The following CNTN4 variants were observed in gnomAD, a reference collection of about 807,000 sequenced individuals.
CNTN4 encodes the protein contactin-4.
Under a neutral mutation model 122.5 loss-of-function variants are expected in CNTN4, and 77 were observed. That is an observed-to-expected ratio of 0.63 (90% CI 0.52 to 0.76). CNTN4 has a LOEUF of 0.76. Ranked by LOEUF, CNTN4 falls within the 30% of genes least tolerant of loss-of-function variation. CNTN4 has a pLI of 0.00. For synonymous variants in CNTN4, 512 were observed against 447.0 expected (o/e 1.15, Z -1.83); for missense variants, 1,256 against 1,259.1 (o/e 1.00, Z 0.04).
chr3:2,123,621 A>G (rs920352491), intron 2 of CNTN4, among the ~76,000 whole-genome samples: 2 of 152,194 alleles, frequency 1.3e-5, no homozygotes, highest in Non-Finnish European at 2.9e-5. Context: ...GACATCTCGC[A>G]AGATTAATTG....
chr3:2,502,218 G>A (rs1475335282), intron 3 of CNTN4, among the ~76,000 whole-genome samples: 1 of 152,040 alleles, frequency 6.6e-6, no homozygotes, highest in Non-Finnish European at 1.5e-5. Flanking sequence ...AGCCTCCAAG[G>A]CCTCCTTTCT....
intron 3 of CNTN4, among the ~76,000 whole-genome samples, chr3:2,549,985 G>A (rs555948955): frequency 6.0e-4 from 91 of 152,090 alleles, no homozygotes; most frequent in Non-Finnish European, 1.1e-3. Context: ...GTTTATTTGC[G>A]TAGAGGTGTT....
chr3:2,296,756 G>A (rs905353205), intron 2 of CNTN4, among the ~76,000 whole-genome samples: 4 of 148,666 alleles, frequency 2.7e-5, no homozygotes, highest in African/African-American at 5.0e-5. Context: ...TGCAACAGGT[G>A]TTTGTTTAGG....
intron 2 of CNTN4, among the ~76,000 whole-genome samples, chr3:2,113,351 T>C (rs1283328627): frequency 6.6e-6 from 1 of 152,210 alleles, no homozygotes; most frequent in Non-Finnish European, 1.5e-5. Context: ...TAGTTCAGAA[T>C]AGAGTATCAT....
intron 12 of CNTN4, among the ~76,000 whole-genome samples, chr3:2,914,599 A>C (rs2094334839): frequency 6.6e-6 from 1 of 152,242 alleles, no homozygotes. Context: ...AGGAATAGAA[A>C]TGTGAATAGA....
intron 14 of CNTN4, among the ~76,000 whole-genome samples, chr3:3,017,145 T>C (rs537988114): frequency 2.0e-5 from 3 of 152,326 alleles, no homozygotes; most frequent in Admixed American, 6.5e-5. Context: ...TTGTTCTTTT[T>C]CCAATTGGTT....
chr3:2,619,727 G>A (rs1192118605), intron 4 of CNTN4, among the ~76,000 whole-genome samples: 1 of 152,116 alleles, frequency 6.6e-6, no homozygotes, highest in Non-Finnish European at 1.5e-5. Context: ...AGAACATGAG[G>A]GAACAAGCAC....
chr3:2,164,071 A>G (rs946962062), intron 2 of CNTN4, among the ~76,000 whole-genome samples: 18 of 152,270 alleles, frequency 1.2e-4, no homozygotes, highest in Admixed American at 4.6e-4. Flanking sequence ...GTTGGGTACA[A>G]TGTACACTGC....
intron 4 of CNTN4, among the ~76,000 whole-genome samples, chr3:2,724,265 G>C (rs1230083150): frequency 6.6e-6 from 1 of 152,022 alleles, no homozygotes; most frequent in South Asian, 2.1e-4. Context: ...TGGATTTCCC[G>C]ACAAACTTTC....
intron 3 of CNTN4, among the ~76,000 whole-genome samples, chr3:2,479,491 C>T (rs745695196): frequency 2.0e-5 from 3 of 152,090 alleles, no homozygotes; most frequent in African/African-American, 7.2e-5. Flanking sequence ...AAGAAAGTTT[C>T]GTTATTGGGA....
At chr3:2,384,761 CGTGTGT>C (rs67019083) in intron 3 of CNTN4, among the ~76,000 whole-genome samples, 7 of 147,898 alleles carry the variant, frequency 4.7e-5, no homozygotes, top group Non-Finnish European at 7.5e-5. Context: ...TCAATGTGTG[CGTGTGT>C]GTGTGTGTGT....
At chr3:2,986,802 TAAG>T (rs900839678) in intron 13 of CNTN4, among the ~76,000 whole-genome samples, 1 of 152,206 alleles carries the variant, frequency 6.6e-6, no homozygotes. Context: ...CTCGGCCACT[TAAG>T]AAATATTTCT....
chr3:2,849,685 C>T (rs184260030), intron 7 of CNTN4, among the ~76,000 whole-genome samples: 100 of 152,246 alleles, frequency 6.6e-4, no homozygotes, highest in Admixed American at 1.5e-3. Flanking sequence ...GATTGATGGA[C>T]GTCAGGAGGA....
intron 3 of CNTN4, among the ~76,000 whole-genome samples, chr3:2,373,495 A>G (rs1313691649): frequency 6.6e-6 from 1 of 152,228 alleles, no homozygotes; most frequent in Non-Finnish European, 1.5e-5. Context: ...ACACTCTTTA[A>G]ATGGATACAT....
intron 12 of CNTN4, among the ~76,000 whole-genome samples, chr3:2,924,822 G>A (rs979115977): frequency 3.3e-5 from 5 of 152,086 alleles, no homozygotes; most frequent in East Asian, 1.9e-4. Context: ...AGAAGCTTAC[G>A]GAGAGTGACA....
At position 2,612,997 on chromosome 3, in the gene CNTN4, A is replaced by G. The variant is rs183179684; in HGVS notation, c.55+41439A>G. On this transcript the variant is annotated intron_variant, in intron 4 of 24. Transcript: ENST00000418658. ...TCTTAGGGTGCTGCATGTGAGCATT[A>G]CGTTTAAGAACACAATGTTGTAGAA... Among the ~76,000 whole-genome samples the G allele has an allele frequency of 2.0e-5, 3 of 152,304 alleles. No homozygotes were observed. In the East Asian group the frequency reaches 5.8e-4, roughly 29 times the overall value.
At position 2,425,483 on chromosome 3, in the gene CNTN4, A is replaced by G. The variant is rs1431994690; in HGVS notation, c.-89+86250A>G. On this transcript the variant is annotated intron_variant, in intron 3 of 24. Transcript: ENST00000418658. ...GTTTTGGTTACTGTAGCCTTGTAGT[A>G]TAGTTTGAAGTCAGGTAGCGTGATG... 2.0e-5 allele frequency among the ~76,000 whole-genome samples: 3 copies of G among 152,076 alleles called. No individual in the cohort carries two copies. In the South Asian group the frequency reaches 6.2e-4, roughly 31 times the overall value.
chr3:3,014,933 C>T (rs2125541192), intron 14 of CNTN4, among the ~76,000 whole-genome samples: 1 of 140,372 alleles, frequency 7.1e-6, no homozygotes, highest in Non-Finnish European at 1.5e-5. Flanking sequence ...GAAAAGTTTC[C>T]TTATCTCTAG....
chr3:2,669,201 G>A (rs1425764599), intron 4 of CNTN4, among the ~76,000 whole-genome samples: 2 of 152,162 alleles, frequency 1.3e-5, no homozygotes, highest in African/African-American at 2.4e-5. Context: ...GTAGAATTCG[G>A]CTGTGAATCC....
Sources: gnomAD v4.1 joint callset for allele counts (sites outside exome capture counted in the v4.1 genomes callset) on GRCh38, gnomAD v4.1.1 for gene constraint, MANE v1.5 for transcripts, NCBI Gene and HGNC (gene_info 2026-07-23, HGNC 2026-07-21) for gene names.